LAMA3: variants seen among roughly 807,000 people sequenced by gnomAD.
LAMA3 encodes the protein laminin subunit alpha 3.
In LAMA3, 281 loss-of-function variants were observed where a neutral mutation model predicts 402.0. That is an observed-to-expected ratio of 0.70 (90% CI 0.63 to 0.77). The LOEUF is 0.77. LAMA3 is among the 30% of genes least tolerant of loss of function. The probability of loss-of-function intolerance (pLI) is 0.00; values close to 1 mark genes in which losing one functional copy is unlikely to be tolerated. For missense variants in LAMA3, 3,840 were observed against 4,215.5 expected, an observed-to-expected ratio of 0.91 and a Z score of 2.47; for synonymous variants, 1,431 against 1,558.4, an observed-to-expected ratio of 0.92 and a Z score of 1.93.
At chr18:23,691,491 A>G (rs2060587408) in intron 1 of LAMA3, among the ~76,000 whole-genome samples, 1 of 152,242 alleles carries the variant, frequency 6.6e-6, no homozygotes, top group Non-Finnish European at 1.5e-5. Context: ...GTGTGTTTAT[A>G]AACACACAAA....
rs148989827 is a variant in LAMA3 at position 23,914,018 on chromosome 18, T to C, written c.7330-392T>C. ...ATAACTAACCATGATAACATAGAGG[T>C]GTGACAACAGAGGCATGCACAAAGT... On this transcript the variant is annotated intron_variant, in intron 56 of 74. Transcript: ENST00000313654. Among the ~76,000 whole-genome samples, 513 of 152,228 alleles carry C rather than the reference T, an allele frequency of 3.4e-3. 5 individuals carry two copies. Among genetic ancestry groups the C allele is most frequent in the African/African-American group, 0.012 (493 of 41,536 alleles).
chr18:23,848,362 T>C (rs1285539533), intron 32 of LAMA3, among the ~76,000 whole-genome samples: 2 of 152,088 alleles, frequency 1.3e-5, no homozygotes, highest in African/African-American at 4.8e-5. Flanking sequence ...AGAGGCTGCA[T>C]TGGAATGTGG....
chr18:23,913,084 G>A (rs1473735137), intron 56 of LAMA3, among the ~76,000 whole-genome samples: 2 of 152,200 alleles, frequency 1.3e-5, no homozygotes, highest in African/African-American at 4.8e-5. Flanking sequence ...ATGCATTGTT[G>A]GTTGCTAGAG....
intron 11 of LAMA3, among the ~76,000 whole-genome samples, chr18:23,779,221 A>C (rs1185903698): frequency 6.6e-6 from 1 of 152,188 alleles, no homozygotes; most frequent in African/African-American, 2.4e-5. Flanking sequence ...AGTTTTGCAC[A>C]GAGAAATGAT....
At chr18:23,869,209 G>C (rs1029279021) in intron 37 of LAMA3, among the ~76,000 whole-genome samples, 6 of 152,222 alleles carry the variant, frequency 3.9e-5, no homozygotes, top group Admixed American at 3.9e-4. Context: ...CAGCCATCTG[G>C]AAATGGCACA....
At chr18:23,705,480 C>CACAG (rs1302189076) in intron 1 of LAMA3, among the ~76,000 whole-genome samples, 2 of 150,840 alleles carry the variant, frequency 1.3e-5, no homozygotes, top group African/African-American at 4.9e-5. Flanking sequence ...CACACACACA[C>CACAG]AGACATATAT....
chr18:23,933,832 G>C lies in LAMA3; in HGVS notation c.8759G>C (p.Arg2920Thr), dbSNP rs2082236382. 1 of 1,614,120 alleles carries C rather than the reference G, an allele frequency of 6.2e-7. No homozygotes were observed. Among genetic ancestry groups the C allele is most frequent in the Admixed American group, 1.7e-5 (1 of 60,032 alleles). Residue 2920 changes from arginine to threonine, a missense_variant, in exon 67 of 75, where the codon AGA becomes ACA. Arg to Thr is a moderately conservative substitution (Grantham distance 71). This residue lies in a region of LAMA3 where 840 missense variants were observed against 981.9 expected (regional missense o/e 0.86). Coordinates refer to ENST00000313654, the MANE Select transcript of LAMA3 (RefSeq NM_198129.4). The stretch of plus-strand genomic sequence containing the variant: ...GATTTGACCAGTAACTCTCTCAAGA[G>C]AGATGTGTCCCTGGGAGGCTGCAGT... ...VLDLTSNSLK[R>T]DVSLGGCSLN...
chr18:23,712,755 C>A (rs1466738428), intron 1 of LAMA3, among the ~76,000 whole-genome samples: 1 of 150,410 alleles, frequency 6.6e-6, no homozygotes, highest in East Asian at 2.0e-4. Flanking sequence ...TCTCTGAACA[C>A]TTAAGAATTA....
rs558829455 is a variant in LAMA3, at chr18:23,810,490, C to T, written c.1728C>T (p.Phe576=). Residue 576 remains phenylalanine, a synonymous_variant, in exon 13 of 75, where the codon TTC becomes TTT. Transcript: ENST00000313654. ...CDRCLSGAYD[F]PHCQGSSSAC... ...GGTGTCTCTCAGGAGCTTATGATTT[C>T]CCCCACTGCCAAGGTAGGAAAGTCA... 2.3e-5 allele frequency: 37 copies of T among 1,614,012 alleles called. 1 individual carries two copies. The South Asian group carries it at 3.3e-4, about 14-fold the overall frequency.
chr18:23,724,770 A>C (rs1335625187), intron 2 of LAMA3, among the ~76,000 whole-genome samples: 1 of 152,244 alleles, frequency 6.6e-6, no homozygotes, highest in African/African-American at 2.4e-5. Context: ...ACTGAATTTC[A>C]TGAATTCTTC....
At chr18:23,692,334 C>T (rs1044280013) in intron 1 of LAMA3, among the ~76,000 whole-genome samples, 11 of 152,218 alleles carry the variant, frequency 7.2e-5, no homozygotes, top group East Asian at 1.9e-4. Context: ...TGCAGTGGCA[C>T]GGTCTCAGCT....
intron 25 of LAMA3, chr18:23,837,304 G>A: frequency 1.8e-6 from 1 of 554,592 alleles, no homozygotes; most frequent in Non-Finnish European, 3.2e-6. Flanking sequence ...TCATATTTAA[G>A]CACCTCTCAC....
intron 47 of LAMA3, 79 bp from the exon 48 acceptor site, chr18:23,901,048 A>G: frequency 3.1e-6 from 4 of 1,285,360 alleles, no homozygotes; most frequent in Non-Finnish European, 4.5e-6. Context: ...TAGAAACTCG[A>G]TTCTCCCTTT....
chr18:23,908,457 G>C (rs2081322794), intron 54 of LAMA3, among the ~76,000 whole-genome samples: 1 of 150,284 alleles, frequency 6.7e-6, no homozygotes, highest in African/African-American at 2.5e-5. Context: ...GTGATCCTGG[G>C]AGGTGGAGGT....
intron 5 of LAMA3, 73 bp from the exon 6 acceptor site, chr18:23,753,648 G>T: frequency 1.8e-6 from 2 of 1,085,418 alleles, no homozygotes; most frequent in Non-Finnish European, 2.8e-6. Context: ...AGCAGATGTG[G>T]GTTAAAGACT....
rs144181725 is a variant in LAMA3 at position 23,862,480 on chromosome 18, G to A, written c.4584+673G>A. On this transcript the variant is annotated intron_variant, in intron 35 of 74. Coordinates refer to ENST00000313654, the MANE Select transcript of LAMA3 (RefSeq NM_198129.4). ...GGATTTCACAGGGCCTGGCTCAGGG[G>A]ATGCCAAATTCTCACATTAGGAAGA... Among the ~76,000 whole-genome samples the A allele has an allele frequency of 1.7e-3, 254 of 152,310 alleles. 2 individuals are homozygous for A. The highest frequency in any genetic ancestry group is 3.4e-3 in the Middle Eastern group (1 of 294).
At chr18:23,807,836 A>G (rs2062993013) in intron 12 of LAMA3, among the ~76,000 whole-genome samples, 1 of 152,224 alleles carries the variant, frequency 6.6e-6, no homozygotes, top group Non-Finnish European at 1.5e-5. Context: ...CCATTTGGCA[A>G]CATAGTTAGC....
At chr18:23,792,284 G>C (rs1012802204) in intron 12 of LAMA3, among the ~76,000 whole-genome samples, 5 of 152,136 alleles carry the variant, frequency 3.3e-5, no homozygotes, top group Non-Finnish European at 7.3e-5. Flanking sequence ...CAATTCTGCG[G>C]GCTGGGAACT....
intron 2 of LAMA3, among the ~76,000 whole-genome samples, chr18:23,739,462 C>G (rs530721077): frequency 4.6e-5 from 7 of 152,268 alleles, no homozygotes; most frequent in African/African-American, 1.7e-4. Context: ...TAGTCAAAAA[C>G]GTTTCTGAAG....
Sources: allele counts gnomAD v4.1 joint callset (sites outside exome capture counted in the v4.1 genomes callset), GRCh38; gene constraint gnomAD v4.1.1; regional missense constraint gnomAD v4.1.1; transcripts MANE v1.5; gene names NCBI Gene and HGNC (gene_info 2026-07-23, HGNC 2026-07-21).